RYR3: variants seen among roughly 807,000 people sequenced by gnomAD.
RYR3 encodes brain ryanodine receptor-calcium release channel.
In RYR3, 207 loss-of-function variants were observed where a neutral mutation model predicts 584.3. The observed-to-expected ratio is 0.35, with a 90% CI of 0.32 to 0.40. The LOEUF (loss-of-function observed/expected upper bound fraction) is 0.40. Among genes scored for constraint, RYR3 ranks in the 10% least tolerant of loss-of-function variants. The pLI, the probability that RYR3 is intolerant of heterozygous loss-of-function variation, is 1.00. For missense variants in RYR3, 5,616 were observed against 6,089.2 expected (o/e 0.92, Z 2.59); for synonymous variants, 2,416 against 2,248.5 (o/e 1.07, Z -2.11).
At chr15:33,769,019 G>A (rs1038904192) in intron 61 of RYR3, 93 bp from the exon 62 acceptor site, 19 of 939,422 alleles carry the variant, frequency 2.0e-5, no homozygotes, top group Non-Finnish European at 3.0e-5. Flanking sequence ...AGTTAATTAC[G>A]CTGGGGCTGT....
chr15:33,409,604 T>C lies in RYR3; in HGVS notation c.52-63815T>C, dbSNP rs2043264529. On this transcript the variant is annotated intron_variant, in intron 1 of 103. Coordinates refer to ENST00000634891, the MANE Select transcript of RYR3 (RefSeq NM_001036.6). ...CTCCAGTTTCTGGTGTCCAGTGTCTTGAAAAACCATTGTTCCATATCCAGT... is the reference window on the plus strand; with the variant it reads ...CTCCAGTTTCTGGTGTCCAGTGTCTCGAAAAACCATTGTTCCATATCCAGT... Among the ~76,000 whole-genome samples the C allele has an allele frequency of 5.3e-5, 8 of 152,186 alleles. 1 individual carries two copies. The South Asian group carries it at 1.7e-3, about 32-fold the overall frequency.
At chr15:33,754,087 T>G (rs915489660) in intron 57 of RYR3, among the ~76,000 whole-genome samples, 1 of 152,116 alleles carries the variant, frequency 6.6e-6, no homozygotes, top group Non-Finnish European at 1.5e-5. Flanking sequence ...GAGGTTGCAG[T>G]GAGCCGAGAT....
intron 38 of RYR3, among the ~76,000 whole-genome samples, chr15:33,694,641 T>C (rs770100796): frequency 1.8e-4 from 28 of 152,184 alleles, no homozygotes. Context: ...ACTTTTATAT[T>C]TGGACTCTGA....
chr15:33,392,937 G>A (rs2042091580), intron 1 of RYR3, among the ~76,000 whole-genome samples: 1 of 152,192 alleles, frequency 6.6e-6, no homozygotes, highest in Admixed American at 6.5e-5. Flanking sequence ...GCCTACAAGG[G>A]CATGGGATTG....
chr15:33,482,481 G>A (rs568279050), intron 2 of RYR3, among the ~76,000 whole-genome samples: 6 of 152,032 alleles, frequency 3.9e-5, no homozygotes, highest in South Asian at 2.1e-4. Flanking sequence ...GGGCAATGGC[G>A]CCATCTCCGC....
At chr15:33,629,802 C>T (rs2061178183) in intron 21 of RYR3, 138 bp from the exon 22 acceptor site, 2 of 578,558 alleles carry the variant, frequency 3.5e-6, no homozygotes, top group Non-Finnish European at 3.1e-6. Context: ...ATCTGTTTGC[C>T]GAATAGCAAG....
chr15:33,333,899 C>T (rs990299255), intron 1 of RYR3, among the ~76,000 whole-genome samples: 3 of 152,048 alleles, frequency 2.0e-5, no homozygotes, highest in African/African-American at 7.2e-5. Context: ...TCTACACTAA[C>T]AACAGTCTAG....
At chr15:33,854,663 C>G (rs955935513) in intron 97 of RYR3, 103 bp from the exon 98 acceptor site, 1 of 1,438,522 alleles carries the variant, frequency 7.0e-7, no homozygotes, top group East Asian at 2.3e-5. Context: ...AGCACCTAAA[C>G]CCCCTCTATC....
chr15:33,844,070 T>C (rs1327754729), intron 92 of RYR3, among the ~76,000 whole-genome samples: 3 of 152,210 alleles, frequency 2.0e-5, no homozygotes, highest in African/African-American at 7.2e-5. Flanking sequence ...GTAATAATTG[T>C]TAGTGCAGTG....
intron 16 of RYR3, among the ~76,000 whole-genome samples, chr15:33,596,670 G>A (rs1039078412): frequency 2.6e-5 from 4 of 152,098 alleles, no homozygotes; most frequent in African/African-American, 9.7e-5. Flanking sequence ...TTTGTGTGGG[G>A]AATAGTCAAT....
intron 67 of RYR3, among the ~76,000 whole-genome samples, chr15:33,794,152 A>G (rs1364297868): frequency 3.5e-5 from 4 of 115,700 alleles, no homozygotes; most frequent in Admixed American, 3.2e-4. Context: ...ACATAAATAT[A>G]TAATATATAA....
intron 1 of RYR3, among the ~76,000 whole-genome samples, chr15:33,375,036 G>T (rs913531087): frequency 6.6e-6 from 1 of 152,150 alleles, no homozygotes; most frequent in Admixed American, 6.5e-5. Context: ...TACATTGAAA[G>T]CAAATAGTGT....
chr15:33,691,422 A>C (rs1333891980), intron 38 of RYR3, among the ~76,000 whole-genome samples: 1 of 152,230 alleles, frequency 6.6e-6, no homozygotes, highest in Non-Finnish European at 1.5e-5. Flanking sequence ...TGGCAGCTAA[A>C]CATTTTTCAA....
chr15:33,554,743 T>C (rs942659385), intron 10 of RYR3, among the ~76,000 whole-genome samples: 43 of 152,236 alleles, frequency 2.8e-4, no homozygotes, highest in Non-Finnish European at 1.0e-4. Flanking sequence ...TTCACATCAT[T>C]TTTCCATGGT....
intron 1 of RYR3, among the ~76,000 whole-genome samples, chr15:33,316,135 G>C (rs746767364): frequency 1.2e-4 from 18 of 152,300 alleles, no homozygotes; most frequent in East Asian, 7.7e-4. Context: ...AAAGAAAAGA[G>C]TGGGAGGAAT....
intron 16 of RYR3, among the ~76,000 whole-genome samples, chr15:33,601,158 C>T (rs1344408801): frequency 1.3e-5 from 2 of 152,146 alleles, no homozygotes; most frequent in African/African-American, 4.8e-5. Flanking sequence ...CGATGGTTTG[C>T]ATCGTTTGGA....
intron 18 of RYR3, among the ~76,000 whole-genome samples, chr15:33,605,550 G>T (rs935599295): frequency 6.6e-6 from 1 of 152,150 alleles, no homozygotes; most frequent in Non-Finnish European, 1.5e-5. Flanking sequence ...GCACTCCAGG[G>T]ATTTCATCCC....
At chr15:33,818,161 C>T (rs927483867) in intron 75 of RYR3, among the ~76,000 whole-genome samples, 6 of 152,022 alleles carry the variant, frequency 3.9e-5, no homozygotes, top group Non-Finnish European at 7.4e-5. Flanking sequence ...TCCAGCCCAG[C>T]CCTTCAAAAG....
At chr15:33,753,438 G>A (rs887168399) in intron 57 of RYR3, among the ~76,000 whole-genome samples, 1 of 152,146 alleles carries the variant, frequency 6.6e-6, no homozygotes, top group African/African-American at 2.4e-5. Context: ...GATGGCATTG[G>A]CTGCTTAAAT....
Sources: gnomAD v4.1 joint callset for allele counts (sites outside exome capture counted in the v4.1 genomes callset) on GRCh38, gnomAD v4.1.1 for gene constraint, MANE v1.5 for transcripts, NCBI Gene and HGNC (gene_info 2026-07-23, HGNC 2026-07-21) for gene names.